The following ANXA5 variants were observed in gnomAD, a reference collection of about 807,000 sequenced individuals.
ANXA5 encodes the protein annexin A5, also known as CBP-I.
In ANXA5, 40 loss-of-function variants were observed where a neutral mutation model predicts 48.1. The ratio of observed to expected loss-of-function variants is 0.83; its 90% confidence interval spans 0.65 to 1.08. The LOEUF (loss-of-function observed/expected upper bound fraction) is 1.08, where lower values mean the gene tolerates loss of function less well. Ranked by LOEUF, ANXA5 falls within the 50% of genes least tolerant of loss-of-function variation. ANXA5 has a pLI of 0.00. For missense variants in ANXA5, 357 were observed against 376.8 expected (o/e 0.95, Z 0.44); for synonymous variants, 113 against 129.1 (o/e 0.88, Z 0.85).
chr4:121,671,723 G>A (rs1724616317), intron 9 of ANXA5, 81 bp from the exon 10 acceptor site: 3 of 961,256 alleles, frequency 3.1e-6, no homozygotes, highest in Admixed American at 4.0e-5. Context: ...ATTAGGTAGT[G>A]TCTTACTGAA....
chr4:121,669,814 G>T, intron 11 of ANXA5, 90 bp from the exon 12 acceptor site: 1 of 1,507,616 alleles, frequency 6.6e-7, no homozygotes, highest in Non-Finnish European at 9.0e-7. Flanking sequence ...AATCAATAAG[G>T]TATAACAATT....
chr4:121,671,726 T>C, intron 9 of ANXA5, 84 bp from the exon 10 acceptor site: 1 of 921,368 alleles, frequency 1.1e-6, no homozygotes. Flanking sequence ...AGGTAGTGTC[T>C]TACTGAACAC....
intron 7 of ANXA5, 141 bp from the exon 8 acceptor site, chr4:121,678,091 C>T (rs576678219): frequency 1.1e-5 from 8 of 719,514 alleles, no homozygotes; most frequent in South Asian, 6.8e-5. Flanking sequence ...TGCACTATTT[C>T]ACGTTATCAT....
chr4:121,672,387 G>A (rs1724627472), intron 9 of ANXA5, 146 bp downstream of exon 9: 1 of 609,632 alleles, frequency 1.6e-6, no homozygotes, highest in African/African-American at 1.9e-5. Context: ...ACAATGTTGA[G>A]ATTTCTCCAG....
chr4:121,694,583 C>A (rs1725046810), intron 2 of ANXA5, among the ~76,000 whole-genome samples: 1 of 152,110 alleles, frequency 6.6e-6, no homozygotes, highest in Non-Finnish European at 1.5e-5. Context: ...CGAGGTCTCA[C>A]CATGTTGGTT....
intron 6 of ANXA5, among the ~76,000 whole-genome samples, chr4:121,680,791 C>T (rs986559562): frequency 6.6e-6 from 1 of 152,266 alleles, no homozygotes; most frequent in Middle Eastern, 3.4e-3. Context: ...TCTGCCTTAG[C>T]GGTTGGGAAC....
chr4:121,686,676 T>C (rs1334674063), intron 2 of ANXA5, among the ~76,000 whole-genome samples: 1 of 152,114 alleles, frequency 6.6e-6, no homozygotes, highest in African/African-American at 2.4e-5. Context: ...TCTTTGCAGG[T>C]TCCCTTCCCA....
chr4:121,683,295 G>A, intron 5 of ANXA5, 69 bp downstream of exon 5: 1 of 897,490 alleles, frequency 1.1e-6, no homozygotes, highest in Non-Finnish European at 1.6e-6. Context: ...TAACAAATAA[G>A]AGGAAGTAAT....
chr4:121,687,389 C>T (rs145714857), intron 2 of ANXA5, among the ~76,000 whole-genome samples: 10 of 152,000 alleles, frequency 6.6e-5, no homozygotes, highest in East Asian at 5.8e-4. Flanking sequence ...GTTTATCTTA[C>T]GCTAAATGGA....
chr4:121,696,190 G>A (rs898872133), intron 2 of ANXA5, among the ~76,000 whole-genome samples: 3 of 145,386 alleles, frequency 2.1e-5, no homozygotes, highest in Non-Finnish European at 4.5e-5. Flanking sequence ...CGGGGTGGGG[G>A]GGGAATGCGT....
At chr4:121,672,475 C>T (rs982086054) in intron 9 of ANXA5, 58 bp downstream of exon 9, 4 of 1,216,402 alleles carry the variant, frequency 3.3e-6, no homozygotes, top group Non-Finnish European at 4.9e-6. Flanking sequence ...GTCACACTGG[C>T]TCATGCACTT....
rs766313998 is a variant in ANXA5 at position 121,668,455 on chromosome 4, TC to T, written c.*12del. 1.5e-5 allele frequency: 25 copies of T among 1,613,072 alleles called. No individual in the cohort carries two copies. Among genetic ancestry groups the T allele is most frequent in the Middle Eastern group, 1.6e-4 (1 of 6,074 alleles). On this transcript the variant is annotated 3_prime_UTR_variant, in exon 13 of 13. Transcript: ENST00000296511. ...GTGCAGGCACACAGCAGGGAGCTCT[TC>T]CCCGTGACACGTTAGTCATCTTCTC...
At chr4:121,688,692 G>A (rs750482221) in intron 2 of ANXA5, among the ~76,000 whole-genome samples, 4 of 152,098 alleles carry the variant, frequency 2.6e-5, no homozygotes, top group Admixed American at 2.6e-4. Context: ...AGCCCCACAC[G>A]ACCTTAACTC....
At position 121,678,393 on chromosome 4, in the gene ANXA5, GTAAT is replaced by G; in HGVS notation, c.474+18_474+21del. ...CAACTTCAGGCTTTTTAATCAAACT[GTAAT>G]TAATCTCCACGCAATACCTGAAGGA... On this transcript the variant is annotated intron_variant, in intron 7 of 12. Coordinates refer to ENST00000296511, the MANE Select transcript of ANXA5 (RefSeq NM_001154.4). 1.2e-6 allele frequency: 2 copies of G among 1,600,880 alleles called. No homozygotes were observed. The highest frequency in any genetic ancestry group is 8.5e-7 in the Non-Finnish European group (1 of 1,170,224).
chr4:121,675,832 C>T (rs1397966004), intron 8 of ANXA5, among the ~76,000 whole-genome samples: 2 of 152,218 alleles, frequency 1.3e-5, no homozygotes, highest in African/African-American at 4.8e-5. Flanking sequence ...AGGTGCGCCA[C>T]ATGCCCATGA....
intron 2 of ANXA5, among the ~76,000 whole-genome samples, chr4:121,688,463 A>G (rs1724928958): frequency 6.6e-6 from 1 of 151,902 alleles, no homozygotes; most frequent in Non-Finnish European, 1.5e-5. Context: ...TAAATCCCCA[A>G]TTGTCTTCAC....
intron 11 of ANXA5, 38 bp downstream of exon 11, chr4:121,669,916 G>GA: frequency 6.6e-7 from 1 of 1,508,168 alleles, no homozygotes; most frequent in Non-Finnish European, 9.1e-7. Context: ...ATTAGAAAGA[G>GA]AAATGTATTA....
chr4:121,673,255 G>GA (rs932804362), intron 8 of ANXA5, among the ~76,000 whole-genome samples: 21 of 152,242 alleles, frequency 1.4e-4, no homozygotes, highest in African/African-American at 5.1e-4. Flanking sequence ...TTGACATGGG[G>GA]AAAAAATATG....
chr4:121,684,273 T>C (rs1724839529), intron 4 of ANXA5, among the ~76,000 whole-genome samples: 1 of 152,180 alleles, frequency 6.6e-6, no homozygotes, highest in Non-Finnish European at 1.5e-5. Context: ...ATCAACTAAT[T>C]AAAAACCCAT....
Sources: gnomAD v4.1 joint callset for allele counts (sites outside exome capture counted in the v4.1 genomes callset) on GRCh38, gnomAD v4.1.1 for gene constraint, MANE v1.5 for transcripts, NCBI Gene and HGNC (gene_info 2026-07-23, HGNC 2026-07-21) for gene names.